The following CSMD3 variants were observed in gnomAD, a reference collection of about 807,000 sequenced individuals.
The protein encoded by CSMD3 is CUB and Sushi multiple domains 3, also known as CUB and sushi domain-containing protein 3.
A neutral mutation model predicts 435.2 loss-of-function variants in CSMD3; 177 were observed. That is an observed-to-expected ratio of 0.41 (90% CI 0.36 to 0.46). The LOEUF is 0.46. Ranked by LOEUF, CSMD3 falls within the 20% of genes least tolerant of loss-of-function variation. The pLI is 0.34. For missense variants in CSMD3, 4,265 were observed against 4,504.6 expected, an observed-to-expected ratio of 0.95 and a Z score of 1.52; for synonymous variants, 1,656 against 1,520.5, an observed-to-expected ratio of 1.09 and a Z score of -2.07.
chr8:112,838,995 C>A (rs2080105458), intron 11 of CSMD3, among the ~76,000 whole-genome samples: 1 of 151,608 alleles, frequency 6.6e-6, no homozygotes, highest in South Asian at 2.1e-4. Flanking sequence ...ATCTCATATT[C>A]TAGAAGAATT....
At chr8:113,269,164 T>C (rs767115428) in intron 3 of CSMD3, among the ~76,000 whole-genome samples, 47 of 152,008 alleles carry the variant, frequency 3.1e-4, no homozygotes, top group Non-Finnish European at 5.7e-4. Flanking sequence ...TGTTATGATT[T>C]GCCTCTGTGT....
At chr8:113,244,556 C>T (rs1321292144) in intron 3 of CSMD3, among the ~76,000 whole-genome samples, 1 of 152,020 alleles carries the variant, frequency 6.6e-6, no homozygotes. Context: ...CCTCATGATC[C>T]GCCTGCCTCA....
At position 113,216,941 on chromosome 8, in the gene CSMD3, G is replaced by T. The variant is rs367915872; in HGVS notation, c.515-43025C>A. ...TAAGATCCATATGTGCAGGGAAAGCGTACACAAAGCCTCTCAATAAATGGC... is the reference window on the plus strand; with the variant it reads ...TAAGATCCATATGTGCAGGGAAAGCTTACACAAAGCCTCTCAATAAATGGC... On this transcript the variant is annotated intron_variant, in intron 3 of 70. Coordinates refer to ENST00000297405, the MANE Select transcript of CSMD3 (RefSeq NM_198123.2). 2.6e-5 allele frequency among the ~76,000 whole-genome samples: 4 copies of T among 151,762 alleles called. 1 individual carries two copies. The Admixed American group carries it at 2.6e-4, about 10-fold the overall frequency.
chr8:112,960,177 A>C (rs1227015163), intron 7 of CSMD3, among the ~76,000 whole-genome samples: 3 of 151,720 alleles, frequency 2.0e-5, no homozygotes, highest in Admixed American at 2.0e-4. Flanking sequence ...CAAGTACAAA[A>C]ATTTAACTTT....
intron 1 of CSMD3, among the ~76,000 whole-genome samples, chr8:113,414,776 C>T (rs1485371380): frequency 6.6e-6 from 1 of 150,848 alleles, no homozygotes; most frequent in Non-Finnish European, 1.5e-5. Flanking sequence ...GCCTGAGCAA[C>T]ATGGTGAAAC....
chr8:112,246,305 A>G (rs1814719010), intron 64 of CSMD3, among the ~76,000 whole-genome samples: 1 of 152,182 alleles, frequency 6.6e-6, no homozygotes, highest in African/African-American at 2.4e-5. Context: ...AAAGCTAGAT[A>G]CCATCCTAAT....
intron 35 of CSMD3, among the ~76,000 whole-genome samples, chr8:112,392,637 A>T (rs963657999): frequency 1.9e-4 from 28 of 151,146 alleles, no homozygotes; most frequent in Non-Finnish European, 3.8e-4. Context: ...CTCCATCGCC[A>T]CCGCCACAAC....
At chr8:112,813,745 CCCCTACTCGACCCAGA>C (rs1008397108) in intron 12 of CSMD3, among the ~76,000 whole-genome samples, 48 of 152,226 alleles carry the variant, frequency 3.2e-4, no homozygotes, top group African/African-American at 9.4e-4. Flanking sequence ...AGTTTCTGAG[CCCCTACTCGACCCAGA>C]AAGCCCAGCT....
At chr8:112,859,111 C>CT (rs551210333) in intron 11 of CSMD3, 34 bp downstream of exon 11, 473 of 1,564,690 alleles carry the variant, frequency 3.0e-4, no homozygotes, top group African/African-American at 1.6e-3. Context: ...ATGATTATGA[C>CT]TTTTTTTTTA....
chr8:112,437,099 T>G (rs1020567750), intron 32 of CSMD3, among the ~76,000 whole-genome samples: 6 of 152,068 alleles, frequency 3.9e-5, no homozygotes, highest in Non-Finnish European at 7.4e-5. Context: ...TTATATAAGA[T>G]TTAGTGCCTA....
chr8:112,806,969 A>C (rs1173111067), intron 12 of CSMD3, among the ~76,000 whole-genome samples: 1 of 152,216 alleles, frequency 6.6e-6, no homozygotes, highest in Non-Finnish European at 1.5e-5. Context: ...GGAATGCTGC[A>C]CAATTGATTT....
At chr8:112,821,046 T>C (rs910565732) in intron 12 of CSMD3, among the ~76,000 whole-genome samples, 2 of 152,190 alleles carry the variant, frequency 1.3e-5, no homozygotes, top group Non-Finnish European at 2.9e-5. Context: ...CTTTATCCAG[T>C]CTATCGTTGA....
chr8:112,616,315 T>G (rs1284128641), intron 22 of CSMD3, among the ~76,000 whole-genome samples: 1 of 151,996 alleles, frequency 6.6e-6, no homozygotes, highest in Non-Finnish European at 1.5e-5. Context: ...ACATAAGCAT[T>G]TTTAGTGGTA....
intron 5 of CSMD3, among the ~76,000 whole-genome samples, chr8:113,060,470 T>C (rs1426992581): frequency 1.3e-5 from 2 of 152,118 alleles, no homozygotes; most frequent in Non-Finnish European, 2.9e-5. Flanking sequence ...TCAAGGTTTA[T>C]GTGGAACTGA....
intron 7 of CSMD3, among the ~76,000 whole-genome samples, chr8:112,973,427 G>A (rs1386443260): frequency 6.6e-6 from 1 of 151,842 alleles, no homozygotes; most frequent in African/African-American, 2.4e-5. Flanking sequence ...TGTACCACTA[G>A]AATGGGTTTT....
chr8:112,650,226 C>T lies in CSMD3; in HGVS notation c.3128G>A (p.Ser1043Asn). 6.2e-7 allele frequency: 1 copy of T among 1,613,940 alleles called. No individual in the cohort carries two copies. The stretch of plus-strand genomic sequence containing the variant: ...TTCGCATAGAAGGGGCTCTTCATGA[C>T]TCAACCTGTATCCTGAATCACAACT... ...SFSCDSGYRL[S>N]HEEPLLCEKN... Residue 1043 changes from serine to asparagine, a missense_variant, in exon 19 of 71, where the codon AGT (serine) becomes AAT (asparagine). By Grantham distance (46) the Ser-to-Asn change is conservative. This residue lies in a region of CSMD3 where 3,255 missense variants were observed against 3,380.2 expected (regional missense o/e 0.96). Coordinates refer to ENST00000297405, the MANE Select transcript of CSMD3 (RefSeq NM_198123.2).
At chr8:112,944,795 T>C (rs1247995913) in intron 9 of CSMD3, among the ~76,000 whole-genome samples, 2 of 151,590 alleles carry the variant, frequency 1.3e-5, no homozygotes, top group African/African-American at 4.8e-5. Flanking sequence ...TGGTCTCTCA[T>C]GAGCAGGATT....
At chr8:112,263,849 G>A (rs764915395) in intron 60 of CSMD3, 37 bp from the exon 61 acceptor site, 1 of 1,544,980 alleles carries the variant, frequency 6.5e-7, no homozygotes, top group Non-Finnish European at 8.9e-7. Context: ...CACAGCTGTT[G>A]AAATATCCTG....
chr8:112,993,924 T>TTTGA, intron 6 of CSMD3, among the ~76,000 whole-genome samples: 1 of 151,880 alleles, frequency 6.6e-6, no homozygotes, highest in East Asian at 1.9e-4. Flanking sequence ...CAGTCAGCTG[T>TTTGA]ATCAATTAAC....
Sources: gnomAD v4.1 joint callset for allele counts (sites outside exome capture counted in the v4.1 genomes callset) on GRCh38, gnomAD v4.1.1 for gene constraint, gnomAD v4.1.1 regional missense constraint, MANE v1.5 for transcripts, NCBI Gene and HGNC (gene_info 2026-07-23, HGNC 2026-07-21) for gene names.